The following LILRB1 variants were observed in gnomAD, a reference collection of about 807,000 sequenced individuals.
LILRB1 encodes the protein leukocyte immunoglobulin-like receptor subfamily B member 1.
In LILRB1, 59 loss-of-function variants were observed where a neutral mutation model predicts 74.6. The ratio of observed to expected loss-of-function variants is 0.79; its 90% CI spans 0.64 to 0.98. The LOEUF (loss-of-function observed/expected upper bound fraction) is 0.98. LILRB1 is among the 50% of genes least tolerant of loss of function. The pLI is 0.00. For synonymous variants in LILRB1, 328 were observed against 333.9 expected (o/e 0.98, Z 0.19); for missense variants, 804 against 822.6 (o/e 0.98, Z 0.28).
At chr19:54,622,474 A>T (rs2063480904) in intron 1 of LILRB1, among the ~76,000 whole-genome samples, 1 of 152,092 alleles carries the variant, frequency 6.6e-6, no homozygotes, top group African/African-American at 2.4e-5. Flanking sequence ...CTCAGCTTGA[A>T]CGGTACTGAT....
upstream of LILRB1, chr19:54,630,305 C>G (rs1420170206): frequency 1.4e-5 from 4 of 283,962 alleles, no homozygotes; most frequent in Non-Finnish European, 2.8e-5. Context: ...GAGGGACGGC[C>G]AAGTAAGCAA....
rs77005961 is a variant in LILRB1, at chr19:54,618,660, A to G, written c.-166+1311A>G. Among the ~76,000 whole-genome samples the G allele has an allele frequency of 3.3e-5, 5 of 152,322 alleles. No individual in the cohort carries two copies. The East Asian group carries it at 7.7e-4, about 23-fold the overall frequency. On this transcript the variant is annotated intron_variant, in intron 1 of 15. Coordinates refer to the LILRB1 transcript ENST00000396331. ...AATTATAAACCCAGCCCAAAACAGA[A>G]TGATCTTTGCTTGTATAATTTTTAA...
chr19:54,632,838 G>T, intron 6 of LILRB1, 78 bp downstream of exon 6: 1 of 1,584,752 alleles, frequency 6.3e-7, no homozygotes, highest in Non-Finnish European at 8.6e-7. Flanking sequence ...AGTGATGGCC[G>T]GGATGAGGGA....
chr19:54,631,002 CTG>C (rs1197018475), intron 1 of LILRB1, 22 bp from the exon 2 acceptor site: 6 of 1,614,084 alleles, frequency 3.7e-6, no homozygotes, highest in Non-Finnish European at 5.1e-6. Context: ...TGGCCACACT[CTG>C]TGTGTCTCTC....
Position 54,632,089 on chromosome 19 carries a change from G to A in LILRB1, c.513G>A (p.Gln171=), listed in dbSNP as rs749158954. 1 of 1,557,196 alleles carries A rather than the reference G, an allele frequency of 6.4e-7. No homozygotes were observed. Among genetic ancestry groups the A allele is most frequent in the Non-Finnish European group, 8.7e-7 (1 of 1,150,240 alleles). Residue 171 remains glutamine (Q), a synonymous_variant, in exon 5 of 15, where the codon CAG becomes CAA. Transcript: ENST00000324602. ...AACACCCACAATGCCTGAACTCCCA[G>A]CCCCATGCCCGTGGGTCGTCCCGCG... ...EDEHPQCLNS[Q]PHARGSSRAI...
intron 6 of LILRB1, 121 bp from the exon 7 acceptor site, chr19:54,632,895 G>T (rs530743473): frequency 1.3e-6 from 2 of 1,540,376 alleles, no homozygotes; most frequent in Non-Finnish European, 1.8e-6. Flanking sequence ...GGGGATGGGC[G>T]GGGAGGGGGA....
Position 54,631,780 on chromosome 19 carries a change from G to T in LILRB1, c.351G>T (p.Val117=). 1.9e-6 allele frequency: 3 copies of T among 1,614,092 alleles called. No individual in the cohort carries two copies. The highest frequency in any genetic ancestry group is 2.5e-6 in the Non-Finnish European group (3 of 1,179,930). The stretch of plus-strand genomic sequence containing the variant: ...AGAGCAGTGACCCCCTGGAGCTGGT[G>T]GTGACAGGTGAGCTGACACTCAGGG... ...RSESSDPLEL[V]VTGAYIKPTL... Residue 117 remains valine, a synonymous_variant, in exon 4 of 15, where the codon GTG becomes GTT. Transcript: ENST00000324602.
chr19:54,632,823 C>T, intron 6 of LILRB1, 63 bp downstream of exon 6: 4 of 1,599,606 alleles, frequency 2.5e-6, no homozygotes, highest in Non-Finnish European at 3.4e-6. Flanking sequence ...CGGGGGAGCT[C>T]AGGTAGTGAT....
At chr19:54,625,019 G>A (rs1189706913) in intron 1 of LILRB1, among the ~76,000 whole-genome samples, 1 of 43,634 alleles carries the variant, frequency 2.3e-5, no homozygotes, top group Admixed American at 2.1e-4. Flanking sequence ...CCCTCCTGAA[G>A]AAGTGTCACT....
Position 54,631,306 on chromosome 19 carries a change from G to C in LILRB1, c.70G>C (p.Gly24Arg). The change falls in exon 3 of 15, where the codon GGG (glycine) becomes CGG (arginine). Residue 24 changes from glycine (G) to arginine (R), a missense_variant and splice_region_variant. Transcript: ENST00000324602. ...SLGPRTHVQA[G>R]HLPKPTLWAE... ...GGGCCCCCGGACCCACGTGCAGGCA[G>C]GTGAGTCTGTCCCCAGCTCTTCCAG... 1 of 1,613,394 alleles carries C rather than the reference G, an allele frequency of 6.2e-7. No homozygotes were observed. Among genetic ancestry groups the C allele is most frequent in the African/African-American group, 1.3e-5 (1 of 75,024 alleles).
chr19:54,634,420 C>T, intron 9 of LILRB1: 2 of 1,524,182 alleles, frequency 1.3e-6, no homozygotes, highest in Non-Finnish European at 1.8e-6. Flanking sequence ...TCCTGGGCTT[C>T]CTTCCCAGCT....
In LILRB1 at chr19:54,631,280, T is replaced by A. The variant is rs2063814490; in HGVS notation, c.44T>A (p.Leu15Gln). The A allele has an allele frequency of 6.2e-7, 1 of 1,613,374 alleles. No individual in the cohort carries two copies. The highest frequency in any genetic ancestry group is 1.7e-5 in the Admixed American group (1 of 60,002). The part of the protein sequence containing the change: ...LTVLICLGLS[L>Q]GPRTHVQAGH... ...GGGAACTCTCTTCCAGGGCTGAGTC[T>A]GGGCCCCCGGACCCACGTGCAGGCA... is the stretch of plus-strand genomic sequence containing the variant. Residue 15 changes from leucine (L) to glutamine (Q), a missense_variant, in exon 3 of 15, where the codon CTG (leucine) becomes CAG (glutamine). Coordinates refer to ENST00000324602, the MANE Select transcript of LILRB1 (RefSeq NM_001081637.3).
At chr19:54,634,577 C>G (rs2064221413) in intron 9 of LILRB1, 64 bp from the exon 10 acceptor site, 1 of 1,548,772 alleles carries the variant, frequency 6.5e-7, no homozygotes, top group African/African-American at 1.4e-5. Context: ...CCAGCAGTCA[C>G]CTGCACACAG....
At chr19:54,633,922 A>G (rs963989078) in intron 8 of LILRB1, 49 bp from the exon 9 acceptor site, 15 of 1,559,790 alleles carry the variant, frequency 9.6e-6, no homozygotes, top group Non-Finnish European at 1.2e-5. Context: ...AGCCGGGCTG[A>G]TGTGGGGAGC....
Position 54,635,263 on chromosome 19 carries a change from A to G in LILRB1, c.1567A>G (p.Ser523Gly), listed in dbSNP as rs1254162905. 6.2e-7 allele frequency: 1 copy of G among 1,612,224 alleles called. No individual in the cohort carries two copies. The highest frequency in any genetic ancestry group is 1.3e-5 in the African/African-American group (1 of 74,880). ...AAGCTCCCATTCTTCCCCCAGGTCC[A>G]GCCCAGCTGCCGATGCCCAGGAAGA... ...PTDRGLQWRS[S>G]PAADAQEENL... is the part of the protein sequence containing the mutation. The change falls in exon 12 of 15, where the codon AGC becomes GGC. Residue 523 changes from serine (S) to glycine (G), a missense_variant. Coordinates refer to ENST00000324602, the MANE Select transcript of LILRB1 (RefSeq NM_001081637.3).
At chr19:54,619,655 G>A (rs1245855175) in intron 1 of LILRB1, among the ~76,000 whole-genome samples, 1 of 152,068 alleles carries the variant, frequency 6.6e-6, no homozygotes, top group East Asian at 1.9e-4. Flanking sequence ...TAAAGTAAGA[G>A]AGGAATTTTT....
At chr19:54,622,138 T>C (rs2063474214) in intron 1 of LILRB1, among the ~76,000 whole-genome samples, 2 of 152,252 alleles carry the variant, frequency 1.3e-5, no homozygotes, top group Admixed American at 6.5e-5. Context: ...TGTTTTGTTC[T>C]TTTTGCATAG....
upstream of LILRB1, among the ~76,000 whole-genome samples, chr19:54,629,924 A>G (rs1438449041): frequency 6.6e-6 from 1 of 150,484 alleles, no homozygotes; most frequent in Non-Finnish European, 1.5e-5. Flanking sequence ...ACGTCCATCT[A>G]TCCATTAGGG....
chr19:54,626,056 A>G (rs554360739), upstream of LILRB1, among the ~76,000 whole-genome samples: 1 of 152,298 alleles, frequency 6.6e-6, no homozygotes, highest in East Asian at 1.9e-4. Flanking sequence ...GGTGAACCCC[A>G]GCATCCTCTT....
Sources: allele counts gnomAD v4.1 joint callset (sites outside exome capture counted in the v4.1 genomes callset), GRCh38; gene constraint gnomAD v4.1.1; transcripts MANE v1.5; gene names NCBI Gene and HGNC (gene_info 2026-07-23, HGNC 2026-07-21).